CASQ2: variants seen among roughly 807,000 people sequenced by gnomAD.
The protein encoded by CASQ2 is calsequestrin-2.
Under a neutral mutation model 46.5 loss-of-function variants are expected in CASQ2, and 49 were observed. That is an observed-to-expected ratio of 1.05 (90% CI 0.84 to 1.34). The LOEUF is 1.34. Ranked by LOEUF, CASQ2 falls within the 40% of genes most tolerant of loss-of-function variation. CASQ2 has a pLI of 0.00. For missense variants in CASQ2, 486 were observed against 481.3 expected (o/e 1.01, Z -0.09); for synonymous variants, 174 against 168.5 (o/e 1.03, Z -0.25).
chr1:115,703,774 T>C (rs1654279610), intron 9 of CASQ2, among the ~76,000 whole-genome samples: 1 of 152,004 alleles, frequency 6.6e-6, no homozygotes, highest in African/African-American at 2.4e-5. Context: ...TAGCTGGGCG[T>C]GGTGGCACAT....
chr1:115,748,502 A>G (rs1648462871), intron 1 of CASQ2, among the ~76,000 whole-genome samples: 1 of 150,386 alleles, frequency 6.6e-6, no homozygotes, highest in Non-Finnish European at 1.5e-5. Context: ...CAGGTAACAA[A>G]TAAGCCTACC....
At chr1:115,711,625 T>C (rs1476150402) in intron 8 of CASQ2, among the ~76,000 whole-genome samples, 1 of 150,746 alleles carries the variant, frequency 6.6e-6, no homozygotes, top group African/African-American at 2.4e-5. Context: ...TGATCCTTCG[T>C]TGATGGGAAG....
At chr1:115,750,857 A>G (rs1648556388) in intron 1 of CASQ2, among the ~76,000 whole-genome samples, 1 of 152,260 alleles carries the variant, frequency 6.6e-6, no homozygotes, top group Admixed American at 6.5e-5. Flanking sequence ...AGAAGTGGAT[A>G]TTTATAATAT....
intron 8 of CASQ2, among the ~76,000 whole-genome samples, chr1:115,709,463 T>G (rs868693632): frequency 7.9e-5 from 12 of 152,204 alleles, no homozygotes; most frequent in African/African-American, 2.9e-4. Flanking sequence ...GTTTCAGAAG[T>G]AATATAGCCT....
At chr1:115,715,456 C>T (rs553609855) in intron 8 of CASQ2, among the ~76,000 whole-genome samples, 3 of 152,264 alleles carry the variant, frequency 2.0e-5, no homozygotes, top group Admixed American at 2.0e-4. Flanking sequence ...ATGCCACACA[C>T]AAAAGGCTAC....
At chr1:115,752,404 A>G (rs997378192) in intron 1 of CASQ2, among the ~76,000 whole-genome samples, 3 of 152,222 alleles carry the variant, frequency 2.0e-5, no homozygotes, top group African/African-American at 4.8e-5. Flanking sequence ...TGAACAGATT[A>G]GATCTCAAAA....
At chr1:115,736,914 T>C (rs1292426750) in intron 4 of CASQ2, among the ~76,000 whole-genome samples, 1 of 152,066 alleles carries the variant, frequency 6.6e-6, no homozygotes. Flanking sequence ...GCATATGAAA[T>C]GTGTTAATTA....
chr1:115,768,165 A>C, intron 1 of CASQ2, 143 bp downstream of exon 1: 5 of 684,658 alleles, frequency 7.3e-6, no homozygotes, highest in East Asian at 5.4e-5. Flanking sequence ...TGACAAGGGC[A>C]TCTGATTCAC....
At chr1:115,763,364 G>C (rs1649025168) in intron 1 of CASQ2, among the ~76,000 whole-genome samples, 1 of 152,084 alleles carries the variant, frequency 6.6e-6, no homozygotes, top group Non-Finnish European at 1.5e-5. Flanking sequence ...TGCCAAACAG[G>C]AGTACATCGA....
intron 8 of CASQ2, among the ~76,000 whole-genome samples, chr1:115,707,307 T>C (rs1654395751): frequency 6.6e-6 from 1 of 152,244 alleles, no homozygotes; most frequent in Admixed American, 6.5e-5. Flanking sequence ...ATTACAGATG[T>C]GAGTCACTGT....
intron 8 of CASQ2, among the ~76,000 whole-genome samples, chr1:115,707,232 G>T (rs551882242): frequency 9.2e-5 from 14 of 152,184 alleles, no homozygotes; most frequent in African/African-American, 2.9e-4. Context: ...GTCTCACATT[G>T]TTGCCCAGGT....
intron 2 of CASQ2, 118 bp from the exon 3 acceptor site, chr1:115,740,946 A>G (rs929676574): frequency 2.8e-6 from 2 of 716,788 alleles, no homozygotes. Flanking sequence ...TAGTGGAACT[A>G]GCATTAACCA....
intron 2 of CASQ2, among the ~76,000 whole-genome samples, chr1:115,742,267 G>A (rs79055129): frequency 0.019 from 2,847 of 151,980 alleles, 87 homozygotes; most frequent in African/African-American, 0.063. Flanking sequence ...ATGAGACACC[G>A]TGTCTGGCCC....
At chr1:115,730,757 G>A (rs1275996218) in intron 5 of CASQ2, among the ~76,000 whole-genome samples, 1 of 152,042 alleles carries the variant, frequency 6.6e-6, no homozygotes, top group Admixed American at 6.5e-5. Flanking sequence ...TTTTACTAGT[G>A]CCAGTTGTTT....
intron 4 of CASQ2, among the ~76,000 whole-genome samples, chr1:115,736,683 A>G (rs979107165): frequency 3.9e-5 from 6 of 152,070 alleles, no homozygotes. Context: ...CTCATTCAAA[A>G]TTTTTTTTAA....
At chr1:115,744,354 G>T (rs961053234) in intron 2 of CASQ2, among the ~76,000 whole-genome samples, 3 of 152,036 alleles carry the variant, frequency 2.0e-5, no homozygotes, top group African/African-American at 7.2e-5. Context: ...ATGCCCAACT[G>T]GGGTTTAACC....
chr1:115,751,733 GACTT>G (rs1326415013), intron 1 of CASQ2, among the ~76,000 whole-genome samples: 3 of 152,138 alleles, frequency 2.0e-5, no homozygotes, highest in African/African-American at 7.2e-5. Context: ...GGGCTGTGGA[GACTT>G]AGAGAGTTTG....
rs35308853 is a variant in CASQ2 at position 115,721,772 on chromosome 1, T to C, written c.783+3736A>G. The stretch of plus-strand genomic sequence containing the variant: ...TTTTTGCAGAGATGGAGTTTCGCTA[T>C]GTTGCCCAGGCTGCTCTCGAATTCC... On this transcript the variant is annotated intron_variant, in intron 7 of 10. Transcript: ENST00000261448. Among the ~76,000 whole-genome samples the C allele has an allele frequency of 7.0e-3, 1,071 of 152,296 alleles. 7 individuals carry two copies. The highest frequency in any genetic ancestry group is 0.011 in the Non-Finnish European group (737 of 68,028).
At chr1:115,712,315 C>T (rs1172769577) in intron 8 of CASQ2, among the ~76,000 whole-genome samples, 2 of 152,158 alleles carry the variant, frequency 1.3e-5, no homozygotes, top group African/African-American at 4.8e-5. Context: ...CTTACCACAC[C>T]CTCTTTCTCT....
Sources: allele counts gnomAD v4.1 joint callset (sites outside exome capture counted in the v4.1 genomes callset), GRCh38; gene constraint gnomAD v4.1.1; transcripts MANE v1.5; gene names NCBI Gene and HGNC (gene_info 2026-07-23, HGNC 2026-07-21).